The following GINS1 variants were observed in gnomAD, a reference collection of about 807,000 sequenced individuals.
GINS1 encodes the protein GINS complex subunit 1.
A neutral mutation model predicts 34.9 loss-of-function variants in GINS1; 26 were observed. The ratio of observed to expected loss-of-function variants is 0.74; its 90% confidence interval spans 0.55 to 1.03. The LOEUF (loss-of-function observed/expected upper bound fraction) is 1.03, where lower values mean the gene tolerates loss of function less well. Ranked by LOEUF, GINS1 falls within the 50% of genes least tolerant of loss-of-function variation. GINS1 has a pLI of 0.00. For synonymous variants in GINS1, 97 were observed against 84.4 expected, an observed-to-expected ratio of 1.15 and a Z score of -0.82; for missense variants, 235 against 237.9, an observed-to-expected ratio of 0.99 and a Z score of 0.08.
intron 1 of GINS1, among the ~76,000 whole-genome samples, chr20:25,409,219 G>A (rs1241979019): frequency 6.6e-6 from 1 of 152,232 alleles, no homozygotes; most frequent in Non-Finnish European, 1.5e-5. Flanking sequence ...CATGCTGGGA[G>A]CTGGTAGAGG....
intron 5 of GINS1, among the ~76,000 whole-genome samples, chr20:25,440,754 T>TGA (rs2090477312): frequency 7.2e-6 from 1 of 138,414 alleles, no homozygotes. Flanking sequence ...GAGGTTGTAG[T>TGA]GCGTGGAGAT....
At chr20:25,412,207 A>G (rs2090290193) in intron 1 of GINS1, among the ~76,000 whole-genome samples, 1 of 152,182 alleles carries the variant, frequency 6.6e-6, no homozygotes, top group Admixed American at 6.6e-5. Context: ...CGGTTTTTGC[A>G]GTGCAAACCA....
chr20:25,423,206 C>T (rs575128098), intron 4 of GINS1, among the ~76,000 whole-genome samples: 2 of 151,932 alleles, frequency 1.3e-5, no homozygotes, highest in East Asian at 1.9e-4. Flanking sequence ...CTCCGCCTCC[C>T]TGGTTCAAGC....
intron 3 of GINS1, 182 bp downstream of exon 3, chr20:25,417,384 G>A: frequency 7.0e-6 from 4 of 572,672 alleles, no homozygotes; most frequent in Middle Eastern, 3.3e-4. Flanking sequence ...TTTAAAAGTA[G>A]GGAGAATAAT....
rs1160146912 is a variant in GINS1, at chr20:25,441,749, T to G, written c.495T>G (p.Thr165=). ...GAGAATTTGAAGTTGATGATGGCAC[T>G]TCAGTCCTATTAAAAAAAAATAGCC... ...DYGEFEVDDG[T]SVLLKKNSQH... is the part of the protein sequence containing the mutation. Residue 165 remains threonine, a synonymous_variant, in exon 6 of 7, where the codon ACT becomes ACG. Coordinates refer to ENST00000262460, the MANE Select transcript of GINS1 (RefSeq NM_021067.5). The G allele has an allele frequency of 1.3e-6, 2 of 1,558,766 alleles. No individual in the cohort carries two copies. Among genetic ancestry groups the G allele is most frequent in the East Asian group, 2.2e-5 (1 of 44,494 alleles).
At chr20:25,417,255 A>T in intron 3 of GINS1, 53 bp downstream of exon 3, 1 of 829,808 alleles carries the variant, frequency 1.2e-6, no homozygotes, top group Non-Finnish European at 2.1e-6. Context: ...GTGGCTTCCC[A>T]GTTGACCATC....
chr20:25,443,096 G>C (rs1055725099), intron 6 of GINS1: 12 of 152,110 alleles, frequency 7.9e-5, no homozygotes, highest in African/African-American at 2.7e-4. Flanking sequence ...TGTGGTTCTT[G>C]AGCTTATTTT....
Position 25,447,226 on chromosome 20 carries a change from G to A in GINS1, c.*1235G>A, listed in dbSNP as rs997662164. ...GGCTAATTTTTGTATTTTTAGTAGA[G>A]ACAGAGTTTTACCATGTTGGCCAGG... On this transcript the variant is annotated 3_prime_UTR_variant, in exon 7 of 7. Transcript: ENST00000262460. The A allele has an allele frequency of 1.3e-5, 2 of 152,120 alleles. No homozygotes were observed. The highest frequency in any genetic ancestry group is 2.9e-5 in the Non-Finnish European group (2 of 68,050). 9.4% of individuals were successfully genotyped at this position (152,120 alleles called of 1,614,324 possible).
chr20:25,422,066 A>C (rs1255570081), intron 4 of GINS1, among the ~76,000 whole-genome samples: 2 of 152,172 alleles, frequency 1.3e-5, no homozygotes, highest in Admixed American at 6.5e-5. Context: ...AACCATTTGC[A>C]TTGTGAAATC....
intron 5 of GINS1, among the ~76,000 whole-genome samples, chr20:25,427,215 G>C (rs1418315658): frequency 6.6e-6 from 1 of 152,072 alleles, no homozygotes; most frequent in East Asian, 1.9e-4. Flanking sequence ...ACCCAGGCTG[G>C]ATGCAGTGGC....
chr20:25,427,177 G>A (rs571088182), intron 5 of GINS1, among the ~76,000 whole-genome samples: 7 of 151,980 alleles, frequency 4.6e-5, no homozygotes, highest in South Asian at 2.1e-4. Flanking sequence ...ATTTTGTTTC[G>A]TTTTTGAGAC....
At chr20:25,427,257 C>G (rs1251477069) in intron 5 of GINS1, among the ~76,000 whole-genome samples, 1 of 152,072 alleles carries the variant, frequency 6.6e-6, no homozygotes, top group Non-Finnish European at 1.5e-5. Flanking sequence ...ACCTCCACCT[C>G]CCAGGTTCAC....
chr20:25,437,164 A>C (rs2090458703), intron 5 of GINS1, among the ~76,000 whole-genome samples: 1 of 152,246 alleles, frequency 6.6e-6, no homozygotes, highest in Non-Finnish European at 1.5e-5. Context: ...GAAAAAAGAA[A>C]AATGAATAGA....
chr20:25,440,810 C>CAAAAAAAAAAAAA (rs60014594), intron 5 of GINS1, among the ~76,000 whole-genome samples: 12 of 68,984 alleles, frequency 1.7e-4, no homozygotes, highest in South Asian at 6.1e-4. Context: ...GACTCTGTCT[C>CAAAAAAAAAAAAA]AAAAAAAAAA....
chr20:25,422,988 G>A (rs1938714465), intron 4 of GINS1, among the ~76,000 whole-genome samples: 1 of 152,062 alleles, frequency 6.6e-6, no homozygotes, highest in South Asian at 2.1e-4. Flanking sequence ...TGTTGGTCAG[G>A]CTGGTCTTGA....
intron 6 of GINS1, among the ~76,000 whole-genome samples, chr20:25,443,980 TTATC>T (rs35231046): frequency 0.062 from 8,830 of 142,850 alleles, 274 homozygotes; most frequent in Middle Eastern, 0.11. Context: ...TAGGAAACAT[TTATC>T]TATCTATCTA....
intron 1 of GINS1, among the ~76,000 whole-genome samples, chr20:25,408,561 T>C (rs2090262508): frequency 6.6e-6 from 1 of 152,146 alleles, no homozygotes; most frequent in Non-Finnish European, 1.5e-5. Context: ...TTTGTCTTTC[T>C]AATAACCCTT....
chr20:25,441,385 C>A (rs371261274), intron 5 of GINS1, among the ~76,000 whole-genome samples: 1 of 152,148 alleles, frequency 6.6e-6, no homozygotes, highest in African/African-American at 2.4e-5. Flanking sequence ...CTAAAACATT[C>A]CTTGTGGATA....
chr20:25,420,320 G>C (rs2090347241), intron 4 of GINS1, among the ~76,000 whole-genome samples: 1 of 151,606 alleles, frequency 6.6e-6, no homozygotes, highest in African/African-American at 2.4e-5. Flanking sequence ...TTTTAGTAGA[G>C]ACGGGGTTTC....
Sources: gnomAD v4.1 joint callset for allele counts (sites outside exome capture counted in the v4.1 genomes callset) on GRCh38, gnomAD v4.1.1 for gene constraint, MANE v1.5 for transcripts, NCBI Gene and HGNC (gene_info 2026-07-23, HGNC 2026-07-21) for gene names.